Variants in ACAP3 observed in about 807,000 individuals in gnomAD.
ACAP3 encodes the protein ArfGAP with coiled-coil, ankyrin repeat and PH domains 3, also known as arf-GAP with coiled-coil, ANK repeat and PH domain-containing protein 3.
Under a neutral mutation model 104.1 loss-of-function variants are expected in ACAP3, and 56 were observed. The ratio of observed to expected loss-of-function variants is 0.54; its 90% CI spans 0.43 to 0.67. The LOEUF is 0.67. Among genes scored for constraint, ACAP3 ranks in the 30% least tolerant of loss-of-function variants. ACAP3 has a pLI of 0.00. For synonymous variants in ACAP3, 628 were observed against 496.2 expected (o/e 1.27, Z -3.53); for missense variants, 1,208 against 1,174.9 (o/e 1.03, Z -0.41).
At chr1:1,307,083 G>A (rs1378975262) in intron 1 of ACAP3, 4 of 913,488 alleles carry the variant, frequency 4.4e-6, no homozygotes, top group Non-Finnish European at 6.2e-6. Flanking sequence ...TGGGGATGCA[G>A]AGAGGTTTCT....
intron 21 of ACAP3, 100 bp from the exon 22 acceptor site, chr1:1,294,299 C>G: frequency 1.3e-6 from 2 of 1,513,094 alleles, no homozygotes; most frequent in Non-Finnish European, 8.9e-7. Context: ...CGGGACCGAA[C>G]GTGGTCCCCA....
chr1:1,295,320 C>G, intron 19 of ACAP3, 127 bp downstream of exon 19: 2 of 817,330 alleles, frequency 2.4e-6, no homozygotes, highest in South Asian at 3.4e-5. Context: ...AGCTGTGTGG[C>G]CAGGAGGCCC....
intron 19 of ACAP3, among the ~76,000 whole-genome samples, chr1:1,295,227 C>G (rs980313489): frequency 6.6e-6 from 1 of 152,144 alleles, no homozygotes; most frequent in African/African-American, 2.4e-5. Context: ...CCCGGGCCAC[C>G]CGCTGTGTGC....
Position 1,296,559 on chromosome 1 carries a change from C to T in ACAP3, c.1203G>A (p.Lys401=), listed in dbSNP as rs1167292877. 6.5e-7 allele frequency: 1 copy of T among 1,539,660 alleles called. No homozygotes were observed. Among genetic ancestry groups the T allele is most frequent in the Admixed American group, 2.0e-5 (1 of 51,008 alleles). The stretch of plus-strand genomic sequence containing the variant: ...GCACACGCTGCAGCACACTCTCGCC[C>T]TTCACGCCACGCTCCCGAGTGTCGG... ...SATDTRERGV[K]GESVLQRVQS... is the part of the protein sequence containing the mutation. The change falls in exon 15 of 24, where the codon AAG becomes AAA. Residue 401 remains lysine, a synonymous_variant. Coordinates refer to ENST00000354700, the MANE Select transcript of ACAP3 (RefSeq NM_030649.3).
chr1:1,293,639 C>T lies in ACAP3; in HGVS notation c.2430G>A (p.Leu810=), dbSNP rs1478157073. Residue 810 remains leucine (L), a synonymous_variant, in exon 24 of 24, where the codon CTG becomes CTA. Coordinates refer to ENST00000354700, the MANE Select transcript of ACAP3 (RefSeq NM_030649.3). ...ACTGGAGCTCCGTGGGGCTGCCCGCCAGGGCGCCCGGGGGACCAGGGGCAG... is the reference window on the plus strand; with the variant it reads ...ACTGGAGCTCCGTGGGGCTGCCCGCTAGGGCGCCCGGGGGACCAGGGGCAG... ...AEAAPGPPGA[L]AGSPTELQFR... The T allele has an allele frequency of 1.3e-6, 2 of 1,486,172 alleles. No individual in the cohort carries two copies. Among genetic ancestry groups the T allele is most frequent in the Non-Finnish European group, 1.8e-6 (2 of 1,125,488 alleles). The allele number at this position is 1,486,172 out of a possible 1,614,324, so 92.1% of individuals were successfully genotyped here. A position where few individuals can be genotyped will look rare whatever the true frequency, so the allele number is the denominator to read the frequency against.
In ACAP3 at chr1:1,303,591, C is replaced by G; in HGVS notation, c.106-310G>C. On this transcript the variant is annotated intron_variant, in intron 2 of 23. Transcript: ENST00000354700. This position sits in a 1 kb window ranked among gnomAD's most constrained non-coding sequence, Gnocchi z 4.0. Reference sequence around the variant, plus strand: ...GCTCATGGATAAGGCTGCCCACTCCCAGCTCCACGGCCTGTTGCCCCCTCC... The same window carrying G: ...GCTCATGGATAAGGCTGCCCACTCCGAGCTCCACGGCCTGTTGCCCCCTCC... 2.0e-6 allele frequency: 1 copy of G among 496,282 alleles called. No individual in the cohort carries two copies. Among genetic ancestry groups the G allele is most frequent in the Non-Finnish European group, 3.6e-6 (1 of 275,844 alleles). The allele number at this position is 496,282 out of a possible 1,614,324, so 30.7% of individuals were successfully genotyped here. A position where few individuals can be genotyped will look rare whatever the true frequency, so the allele number is the denominator to read the frequency against.
chr1:1,307,379 C>T (rs1449985035), intron 1 of ACAP3: 1 of 1,290,486 alleles, frequency 7.7e-7, no homozygotes, highest in Admixed American at 2.3e-5. Context: ...TCCCCACGCG[C>T]TGCTCTGGAC....
In ACAP3 at chr1:1,303,926, G is replaced by A. The variant is rs1641566135; in HGVS notation, c.105+160C>T. ...GTGTGCATGTGACATGTGCACCCTGGAACACACATGCTAAGACACAGGGAC... is the reference window on the plus strand; with the variant it reads ...GTGTGCATGTGACATGTGCACCCTGAAACACACATGCTAAGACACAGGGAC... On this transcript the variant is annotated intron_variant, in intron 2 of 23. Coordinates refer to ENST00000354700, the MANE Select transcript of ACAP3 (RefSeq NM_030649.3). The surrounding 1 kb of genome is among the most constrained non-coding windows in gnomAD (Gnocchi z 4.0). The A allele has an allele frequency of 4.7e-6, 4 of 842,226 alleles. No homozygotes were observed. The South Asian group carries it at 6.6e-5, about 14-fold the overall frequency. The allele number at this position is 842,226 out of a possible 1,614,324, so 52.2% of individuals were successfully genotyped here. A position where few individuals can be genotyped will look rare whatever the true frequency, so the allele number is the denominator to read the frequency against.
At chr1:1,296,756 C>G (rs535677689) in intron 14 of ACAP3, 123 bp from the exon 15 acceptor site, 2 of 972,986 alleles carry the variant, frequency 2.1e-6, no homozygotes, top group African/African-American at 1.6e-5. Flanking sequence ...CACGCCCGCA[C>G]ACGCACGTAC....
chr1:1,293,768 G>A (rs1570624065), intron 23 of ACAP3, 55 bp downstream of exon 23: 3 of 1,476,914 alleles, frequency 2.0e-6, no homozygotes, highest in African/African-American at 1.7e-5. Context: ...TGCCCTGGAG[G>A]CCCCGCCCCT....
chr1:1,294,388 C>A lies in ACAP3; in HGVS notation c.2139+14G>T. On this transcript the variant is annotated intron_variant, in intron 21 of 23. Transcript: ENST00000354700. ...GCACCTGTGTCCTGCGCGCAGCCCC[C>A]GTGGCTCGCTCACCCCTAGCACGGC... 1 of 1,563,526 alleles carries A rather than the reference C, an allele frequency of 6.4e-7. No homozygotes were observed. The highest frequency in any genetic ancestry group is 8.6e-7 in the Non-Finnish European group (1 of 1,158,374).
In ACAP3 at chr1:1,294,626, C is replaced by T. The variant is rs1207148050; in HGVS notation, c.1915G>A (p.Gly639Ser). 1.3e-6 allele frequency: 2 copies of T among 1,529,932 alleles called. No homozygotes were observed. Among genetic ancestry groups the T allele is most frequent in the South Asian group, 1.2e-5 (1 of 82,016 alleles). The allele number at this position is 1,529,932 out of a possible 1,614,324, so 94.8% of individuals were successfully genotyped here. ...CCGCTGGACTCCTCCGACTCTGCAC[C>T]CTCTGTGGGGAGGGGGCGGTCAGGG... ...SVVDSVTEEE[G>S]AESEESSGEA... Residue 639 changes from glycine to serine, a missense_variant and splice_region_variant, in exon 21 of 24, where the codon GGT becomes AGT. Gly to Ser is a moderately conservative substitution (Grantham distance 56). Coordinates refer to ENST00000354700, the MANE Select transcript of ACAP3 (RefSeq NM_030649.3).
At chr1:1,295,594 G>A (rs183008847) in intron 18 of ACAP3, 40 bp from the exon 19 acceptor site, 70 of 1,598,044 alleles carry the variant, frequency 4.4e-5, no homozygotes, top group African/African-American at 2.8e-4. Flanking sequence ...GAACAGGCCC[G>A]GGGTGGGGCA....
chr1:1,299,303 C>T lies in ACAP3; in HGVS notation c.750+42G>A, dbSNP rs1444027167. 3.1e-6 allele frequency: 5 copies of T among 1,587,566 alleles called. No individual in the cohort carries two copies. The Admixed American group carries it at 8.6e-5, about 27-fold the overall frequency. ...AGGGAAAGGCACCGCCCCATCTGGT[C>T]TCCCCCGACCCACAGCCCGCCCAGG... On this transcript the variant is annotated intron_variant, in intron 10 of 23. Transcript: ENST00000354700.
intron 1 of ACAP3, chr1:1,304,404 C>T (rs541665073): frequency 5.2e-6 from 3 of 573,624 alleles, no homozygotes; most frequent in East Asian, 5.9e-5. Flanking sequence ...TCTCCCAGGA[C>T]AGCCGGCCGC....
intron 1 of ACAP3, among the ~76,000 whole-genome samples, chr1:1,306,291 C>T (rs1397810328): frequency 1.3e-5 from 2 of 152,136 alleles, no homozygotes; most frequent in Admixed American, 6.5e-5. Flanking sequence ...CAGTACAGGG[C>T]CGTCTGCGTG....
At position 1,293,452 on chromosome 1, in the gene ACAP3, A is replaced by C; in HGVS notation, c.*112T>G. On this transcript the variant is annotated 3_prime_UTR_variant, in exon 24 of 24. Coordinates refer to ENST00000354700, the MANE Select transcript of ACAP3 (RefSeq NM_030649.3). Reference sequence around the variant, plus strand: ...GCGGCGCCCCAGCACTGGGGCTGCCAGGTATCGACCCGCGGGTCACACGCA... The same window carrying C: ...GCGGCGCCCCAGCACTGGGGCTGCCCGGTATCGACCCGCGGGTCACACGCA... The C allele has an allele frequency of 2.5e-5, 27 of 1,089,662 alleles. No homozygotes were observed. The highest frequency in any genetic ancestry group is 8.6e-5 in the East Asian group (2 of 23,158). 67.5% of individuals were successfully genotyped at this position (1,089,662 alleles called of 1,614,324 possible). A position where few individuals can be genotyped will look rare whatever the true frequency, so the allele number is the denominator to read the frequency against.
rs150828810 is a variant in ACAP3, at chr1:1,296,142, C to T, written c.1408-33G>A. On this transcript the variant is annotated intron_variant, in intron 16 of 23. Coordinates refer to ENST00000354700, the MANE Select transcript of ACAP3 (RefSeq NM_030649.3). ...GAGACAGGGCGAGCAGGCATCAGTGCGAACCTGCAGACCCCAGCTCCCGCC... is the reference window on the plus strand; with the variant it reads ...GAGACAGGGCGAGCAGGCATCAGTGTGAACCTGCAGACCCCAGCTCCCGCC... 8.9e-5 allele frequency: 144 copies of T among 1,611,182 alleles called. No homozygotes were observed. In the East Asian group the frequency reaches 3.0e-3, roughly 33 times the overall value.
intron 14 of ACAP3, among the ~76,000 whole-genome samples, chr1:1,297,194 CGTGT>C (rs57737934): frequency 1.7e-4 from 21 of 125,214 alleles, no homozygotes; most frequent in Middle Eastern, 3.9e-3. Flanking sequence ...CCCAGTGGCA[CGTGT>C]GTGTGTGCAC....
Sources: allele counts gnomAD v4.1 joint callset (sites outside exome capture counted in the v4.1 genomes callset), GRCh38; gene constraint gnomAD v4.1.1; non-coding constraint Gnocchi (gnomAD v3.1); transcripts MANE v1.5; gene names NCBI Gene and HGNC (gene_info 2026-07-23, HGNC 2026-07-21).